EYS: variants seen among roughly 807,000 people sequenced by gnomAD.
EYS encodes the protein EGF-like photoreceptor maintenance factor.
Under a neutral mutation model 282.1 loss-of-function variants are expected in EYS, and 250 were observed. The ratio of observed to expected loss-of-function variants is 0.89; its 90% CI spans 0.80 to 0.98. EYS has a LOEUF of 0.98. EYS is among the 50% of genes least tolerant of loss of function. EYS has a pLI of 0.00. For missense variants in EYS, 4,016 were observed against 3,709.0 expected (o/e 1.08, Z -2.15); for synonymous variants, 1,355 against 1,282.9 (o/e 1.06, Z -1.20).
In EYS at chr6:64,537,094, T is replaced by C. The variant is rs547059377; in HGVS notation, c.5644+53129A>G. On this transcript the variant is annotated intron_variant, in intron 26 of 42. Transcript: ENST00000503581. ...CATATGTATACATGTGCCATGCTGG[T>C]GCGCTGCACCCACTAACTCGTCATC... Among the ~76,000 whole-genome samples, 31 of 151,212 alleles carry C rather than the reference T, an allele frequency of 2.1e-4. 1 individual carries two copies. In the East Asian group the frequency reaches 5.9e-3, roughly 29 times the overall value.
At chr6:64,313,109 C>T (rs545056543) in intron 29 of EYS, among the ~76,000 whole-genome samples, 1,418 of 151,554 alleles carry the variant, frequency 9.4e-3, no homozygotes, top group Middle Eastern at 0.017. Flanking sequence ...TGTCCTAACA[C>T]AATGCAAGGA....
intron 35 of EYS, among the ~76,000 whole-genome samples, chr6:63,958,927 G>A (rs183149531): frequency 6.6e-6 from 1 of 152,188 alleles, no homozygotes; most frequent in Non-Finnish European, 1.5e-5. Flanking sequence ...ACACTCAAGA[G>A]TTCTGATAGA....
At position 64,043,457 on chromosome 6, in the gene EYS, ACT is replaced by A. The variant is rs1770481604; in HGVS notation, c.6725+22879_6725+22880del. ...GAGGAGCCAGGACCGCTACTTGATC[ACT>A]CTTCAGCCACTTCCCACCATTACTT... On this transcript the variant is annotated intron_variant, in intron 33 of 42. Transcript: ENST00000503581. Among the ~76,000 whole-genome samples, 3 of 152,116 alleles carry A rather than the reference ACT, an allele frequency of 2.0e-5. No homozygotes were observed. The South Asian group carries it at 6.2e-4, about 32-fold the overall frequency.
intron 22 of EYS, among the ~76,000 whole-genome samples, chr6:64,758,053 C>G (rs937285584): frequency 6.6e-6 from 1 of 152,102 alleles, no homozygotes; most frequent in Non-Finnish European, 1.5e-5. Context: ...GGATTACAGG[C>G]GTGAGCCACT....
intron 31 of EYS, among the ~76,000 whole-genome samples, chr6:64,186,742 T>G (rs1349671623): frequency 1.3e-5 from 2 of 152,126 alleles, no homozygotes; most frequent in Admixed American, 6.6e-5. Flanking sequence ...GTTGGTTCTC[T>G]CAGAGGAACG....
chr6:64,270,860 C>A (rs1034086263), intron 30 of EYS, among the ~76,000 whole-genome samples: 1 of 152,118 alleles, frequency 6.6e-6, no homozygotes, highest in Admixed American at 6.5e-5. Flanking sequence ...TGATCCCCAA[C>A]TGAAACAGCA....
intron 12 of EYS, among the ~76,000 whole-genome samples, chr6:65,168,702 A>T (rs1344473027): frequency 6.6e-6 from 1 of 151,254 alleles, no homozygotes; most frequent in East Asian, 2.0e-4. Flanking sequence ...ATGTAAGGAT[A>T]TATTTATGTT....
At chr6:64,689,352 C>A (rs1770282571) in intron 22 of EYS, among the ~76,000 whole-genome samples, 1 of 152,114 alleles carries the variant, frequency 6.6e-6, no homozygotes, top group African/African-American at 2.4e-5. Flanking sequence ...ACATTCCATG[C>A]TCTCAGATAG....
chr6:64,134,326 A>T (rs913564747), intron 31 of EYS, among the ~76,000 whole-genome samples: 5 of 152,048 alleles, frequency 3.3e-5, no homozygotes, highest in African/African-American at 1.2e-4. Flanking sequence ...GGTGGAATAG[A>T]TGGAAAAATG....
At chr6:63,948,094 C>T (rs1328176891) in intron 35 of EYS, among the ~76,000 whole-genome samples, 2 of 152,082 alleles carry the variant, frequency 1.3e-5, no homozygotes, top group Admixed American at 6.5e-5. Flanking sequence ...TTGAAGAAAA[C>T]ATGTTAAACA....
chr6:64,453,346 G>C (rs916160760), intron 26 of EYS, among the ~76,000 whole-genome samples: 3 of 152,152 alleles, frequency 2.0e-5, no homozygotes, highest in Non-Finnish European at 4.4e-5. Context: ...TCATTAAAAA[G>C]TCAGGAAAGA....
chr6:65,281,978 C>G (rs1158860203), intron 12 of EYS, among the ~76,000 whole-genome samples: 1 of 151,670 alleles, frequency 6.6e-6, no homozygotes, highest in African/African-American at 2.4e-5. Flanking sequence ...CATATATTTG[C>G]TATTGTGAAT....
chr6:63,765,291 G>A (rs780585625), intron 40 of EYS, among the ~76,000 whole-genome samples: 1 of 151,940 alleles, frequency 6.6e-6, no homozygotes, highest in African/African-American at 2.4e-5. Context: ...TTAGTAAGGA[G>A]ACAATTTTAA....
At chr6:64,008,082 A>C (rs147131562) in intron 33 of EYS, among the ~76,000 whole-genome samples, 132 of 152,262 alleles carry the variant, frequency 8.7e-4, no homozygotes, top group African/African-American at 3.0e-3. Flanking sequence ...GGGGTGTTTA[A>C]ATCTCCCACT....
chr6:64,988,304 A>G (rs1770934994), intron 14 of EYS, among the ~76,000 whole-genome samples: 1 of 151,548 alleles, frequency 6.6e-6, no homozygotes, highest in South Asian at 2.1e-4. Flanking sequence ...GCAGAAATGC[A>G]GCAATCTCAC....
At chr6:63,863,317 A>G (rs774100644) in intron 36 of EYS, among the ~76,000 whole-genome samples, 7 of 152,194 alleles carry the variant, frequency 4.6e-5, no homozygotes, top group African/African-American at 1.7e-4. Flanking sequence ...TTTTCTTAAA[A>G]TCTTATATTA....
intron 18 of EYS, among the ~76,000 whole-genome samples, chr6:64,888,854 G>A (rs1767182958): frequency 6.6e-6 from 1 of 152,024 alleles, no homozygotes; most frequent in South Asian, 2.1e-4. Flanking sequence ...TCACAGAATA[G>A]AGAGAAATTG....
chr6:64,498,687 T>C (rs996763188), intron 26 of EYS, among the ~76,000 whole-genome samples: 1 of 151,796 alleles, frequency 6.6e-6, no homozygotes, highest in African/African-American at 2.4e-5. Flanking sequence ...TGTGTTCTCA[T>C]TGTTCAACTC....
At chr6:64,124,530 A>G (rs370887215) in intron 31 of EYS, among the ~76,000 whole-genome samples, 2 of 152,204 alleles carry the variant, frequency 1.3e-5, no homozygotes, top group African/African-American at 4.8e-5. Flanking sequence ...TTAACACAAC[A>G]TTTGATGTTG....
Sources: allele counts gnomAD v4.1 joint callset (sites outside exome capture counted in the v4.1 genomes callset), GRCh38; gene constraint gnomAD v4.1.1; transcripts MANE v1.5; gene names NCBI Gene and HGNC (gene_info 2026-07-23, HGNC 2026-07-21).